Variants in TTBK2 observed in about 807,000 individuals in gnomAD.
TTBK2 encodes the protein tau-tubulin kinase 2.
In TTBK2, 28 loss-of-function variants were observed where a neutral mutation model predicts 110.8. That is an observed-to-expected ratio of 0.25 (90% confidence interval 0.19 to 0.35). The LOEUF (loss-of-function observed/expected upper bound fraction) is 0.35, where lower values mean the gene tolerates loss of function less well. TTBK2 is among the 10% of genes least tolerant of loss of function. TTBK2 has a pLI of 1.00. For missense variants in TTBK2, 1,369 were observed against 1,500.3 expected, an observed-to-expected ratio of 0.91 and a Z score of 1.45; for synonymous variants, 532 against 527.3, an observed-to-expected ratio of 1.01 and a Z score of -0.12.
intron 3 of TTBK2, among the ~76,000 whole-genome samples, chr15:42,862,811 C>G (rs1894211612): frequency 6.6e-6 from 1 of 152,138 alleles, no homozygotes; most frequent in Admixed American, 6.5e-5. Flanking sequence ...TCGCTTGAAC[C>G]AAGGAGGCAG....
In TTBK2 at chr15:42,882,882, A is replaced by G. The variant is rs1049150073; in HGVS notation, c.-67-4198T>C. 2.0e-5 allele frequency among the ~76,000 whole-genome samples: 3 copies of G among 152,342 alleles called. No individual in the cohort carries two copies. In the South Asian group the frequency reaches 6.2e-4, roughly 32 times the overall value. ...CAGACCTGCTCTTAAAGAATTGTCA[A>G]GGAAAGTTCTTCTGAGAAAAGGGTA... On this transcript the variant is annotated intron_variant, in intron 1 of 14. Coordinates refer to ENST00000267890, the MANE Select transcript of TTBK2 (RefSeq NM_173500.4).
chr15:42,789,829 C>CAT (rs994472509), intron 10 of TTBK2, among the ~76,000 whole-genome samples: 25 of 138,804 alleles, frequency 1.8e-4, no homozygotes, highest in African/African-American at 3.3e-4. Context: ...ATTGTGTGTG[C>CAT]ATATATATAT....
intron 13 of TTBK2, among the ~76,000 whole-genome samples, chr15:42,766,463 A>AAAAAAAAAAAAAAAAAAAAAAAC (rs1889382081): frequency 6.8e-6 from 1 of 147,312 alleles, no homozygotes; most frequent in African/African-American, 2.6e-5. Context: ...AAAAAAAAAA[A>AAAAAAAAAAAAAAAAAAAAAAAC]AAAAGCAAGG....
At chr15:42,766,022 CT>C (rs1567010841) in intron 13 of TTBK2, among the ~76,000 whole-genome samples, 1 of 152,048 alleles carries the variant, frequency 6.6e-6, no homozygotes, top group Non-Finnish European at 1.5e-5. Flanking sequence ...CCAAACTAAG[CT>C]TCATAAGTGA....
intron 2 of TTBK2, 142 bp downstream of exon 2, chr15:42,878,407 C>T: frequency 6.7e-7 from 1 of 1,487,690 alleles, no homozygotes; most frequent in South Asian, 1.2e-5. Context: ...TAAATAACTG[C>T]TTTAGGCATA....
chr15:42,907,534 C>T lies in TTBK2; in HGVS notation c.-68+12904G>A, dbSNP rs576941826. ...GCAGTAACATGGATGGAAATGAAGGCCATTACATTAAGTGAAATAAGCCAA... is the reference window on the plus strand; with the variant it reads ...GCAGTAACATGGATGGAAATGAAGGTCATTACATTAAGTGAAATAAGCCAA... On this transcript the variant is annotated intron_variant, in intron 1 of 14. Transcript: ENST00000267890. Among the ~76,000 whole-genome samples, 10 of 152,108 alleles carry T rather than the reference C, an allele frequency of 6.6e-5. No individual in the cohort carries two copies. In the South Asian group the frequency reaches 2.1e-3, roughly 32 times the overall value.
chr15:42,896,061 C>T (rs559615633), intron 1 of TTBK2, among the ~76,000 whole-genome samples: 6 of 151,704 alleles, frequency 4.0e-5, no homozygotes, highest in Non-Finnish European at 8.8e-5. Context: ...TGTGGTGGCT[C>T]ACATCTGTAA....
At chr15:42,803,029 C>A (rs955821285) in intron 9 of TTBK2, among the ~76,000 whole-genome samples, 2 of 152,216 alleles carry the variant, frequency 1.3e-5, no homozygotes, top group Non-Finnish European at 2.9e-5. Context: ...TTGGCTCTCC[C>A]TGCTCCTCAG....
At chr15:42,750,551 G>A (rs1262532431) in intron 14 of TTBK2, among the ~76,000 whole-genome samples, 1 of 151,962 alleles carries the variant, frequency 6.6e-6, no homozygotes, top group Non-Finnish European at 1.5e-5. Context: ...ACAATGGAAA[G>A]TATTGAGTCT....
At chr15:42,911,168 T>C (rs2030733447) in intron 1 of TTBK2, among the ~76,000 whole-genome samples, 1 of 152,228 alleles carries the variant, frequency 6.6e-6, no homozygotes, top group African/African-American at 2.4e-5. Context: ...ACAAAGTTTC[T>C]TACAAAAGGT....
Position 42,878,638 on chromosome 15 carries a change from G to T in TTBK2, c.-21C>A, listed in dbSNP as rs780685413. 8.7e-6 allele frequency: 14 copies of T among 1,613,566 alleles called. No homozygotes were observed. Among genetic ancestry groups the T allele is most frequent in the Non-Finnish European group, 1.2e-5 (14 of 1,179,922 alleles). Reference sequence around the variant, plus strand: ...CTCATTGCAATACACTGATATGGTAGAACAGCTACACAGGCATCCAGTTCC... The same window carrying T: ...CTCATTGCAATACACTGATATGGTATAACAGCTACACAGGCATCCAGTTCC... On this transcript the variant is annotated 5_prime_UTR_variant, in exon 2 of 15. Transcript: ENST00000267890.
intron 3 of TTBK2, among the ~76,000 whole-genome samples, chr15:42,870,666 T>C (rs1894579379): frequency 6.6e-6 from 1 of 151,640 alleles, no homozygotes; most frequent in Non-Finnish European, 1.5e-5. Context: ...ATCGAGACCA[T>C]CCTGGCCAAC....
At chr15:42,764,049 A>T (rs1159454982) in intron 13 of TTBK2, among the ~76,000 whole-genome samples, 1 of 152,208 alleles carries the variant, frequency 6.6e-6, no homozygotes, top group African/African-American at 2.4e-5. Context: ...GCAGGCCTGT[A>T]ATTGCATATT....
chr15:42,796,158 CT>C (rs1480932191), intron 9 of TTBK2, among the ~76,000 whole-genome samples: 1 of 152,070 alleles, frequency 6.6e-6, no homozygotes, highest in Non-Finnish European at 1.5e-5. Context: ...AATCCCAGCA[CT>C]TTGGGAGGCT....
In TTBK2 at chr15:42,862,560, A is replaced by G. The variant is rs150160389; in HGVS notation, c.217+10051T>C. On this transcript the variant is annotated intron_variant, in intron 3 of 14. Coordinates refer to ENST00000267890, the MANE Select transcript of TTBK2 (RefSeq NM_173500.4). ...CATTCCTTCATGATAAATACCCTCA[A>G]CAGACTAGGCATCAAAAGAACATAT... Among the ~76,000 whole-genome samples, 219 of 152,294 alleles carry G rather than the reference A, an allele frequency of 1.4e-3. 2 individuals carry two copies. Among genetic ancestry groups the G allele is most frequent in the Admixed American group, 4.6e-3 (71 of 15,296 alleles).
intron 1 of TTBK2, among the ~76,000 whole-genome samples, chr15:42,894,990 A>T (rs995843290): frequency 2.0e-5 from 3 of 152,236 alleles, no homozygotes; most frequent in Non-Finnish European, 4.4e-5. Flanking sequence ...ATACAGGAGA[A>T]GCATTTGACA....
rs143465275 is a variant in TTBK2 at position 42,895,987 on chromosome 15, T to C, written c.-67-17303A>G. Among the ~76,000 whole-genome samples the C allele has an allele frequency of 3.5e-3, 526 of 152,292 alleles. 2 individuals carry two copies. Among genetic ancestry groups the C allele is most frequent in the African/African-American group, 0.012 (501 of 41,568 alleles). On this transcript the variant is annotated intron_variant, in intron 1 of 14. Coordinates refer to ENST00000267890, the MANE Select transcript of TTBK2 (RefSeq NM_173500.4). The stretch of plus-strand genomic sequence containing the variant: ...CTTTCTGTCTGTATGGATTTGCCTA[T>C]TCTGGGCCAAATGATATTTGACAAA...
At chr15:42,812,417 G>A (rs1200268434) in intron 7 of TTBK2, among the ~76,000 whole-genome samples, 2 of 152,094 alleles carry the variant, frequency 1.3e-5, no homozygotes, top group African/African-American at 4.8e-5. Flanking sequence ...TTAGATTTGG[G>A]GGTTAAATAT....
intron 2 of TTBK2, among the ~76,000 whole-genome samples, chr15:42,875,525 G>A (rs1894783640): frequency 6.6e-6 from 1 of 152,008 alleles, no homozygotes. Context: ...ATAGGGCAAA[G>A]TGACACTGTG....
Sources: allele counts gnomAD v4.1 joint callset (sites outside exome capture counted in the v4.1 genomes callset), GRCh38; gene constraint gnomAD v4.1.1; transcripts MANE v1.5; gene names NCBI Gene and HGNC (gene_info 2026-07-23, HGNC 2026-07-21).